Variants in ERG observed in about 807,000 individuals in gnomAD.
ERG encodes the protein transcriptional regulator ERG.
In ERG, 9 loss-of-function variants were observed where a neutral mutation model predicts 55.3. That is an observed-to-expected ratio of 0.16 (90% CI 0.10 to 0.28). The LOEUF (loss-of-function observed/expected upper bound fraction) is 0.28, where lower values mean the gene tolerates loss of function less well. Among genes scored for constraint, ERG ranks in the 10% least tolerant of loss-of-function variants. The pLI is 1.00. For missense variants in ERG, 434 were observed against 631.6 expected (o/e 0.69, Z 3.35); for synonymous variants, 223 against 237.3 (o/e 0.94, Z 0.55).
At chr21:38,495,808 T>C (rs933856315) in intron 1 of ERG, among the ~76,000 whole-genome samples, 13 of 152,220 alleles carry the variant, frequency 8.5e-5, no homozygotes, top group Non-Finnish European at 7.4e-5. Context: ...GAGTTTTCAG[T>C]GCAACAGCAG....
intron 1 of ERG, among the ~76,000 whole-genome samples, chr21:38,628,856 A>G (rs996708381): frequency 6.6e-6 from 1 of 152,238 alleles, no homozygotes; most frequent in African/African-American, 2.4e-5. Context: ...TGAGATCTGC[A>G]TTAAAACTTT....
At chr21:38,405,481 C>G (rs1395820516) in intron 3 of ERG, among the ~76,000 whole-genome samples, 1 of 152,090 alleles carries the variant, frequency 6.6e-6, no homozygotes, top group Non-Finnish European at 1.5e-5. Flanking sequence ...ACTAGTGATG[C>G]CTGGTCTCCC....
intron 1 of ERG, among the ~76,000 whole-genome samples, chr21:38,649,605 T>C (rs900843880): frequency 2.0e-5 from 3 of 152,242 alleles, no homozygotes; most frequent in African/African-American, 7.2e-5. Context: ...ACTGCTCAAA[T>C]ATAATTTAGA....
chr21:38,586,989 C>A (rs1315866719), upstream of ERG, among the ~76,000 whole-genome samples: 1 of 152,188 alleles, frequency 6.6e-6, no homozygotes, highest in African/African-American at 2.4e-5. Flanking sequence ...TTTGTGACAA[C>A]ATGAACAAAC....
intron 1 of ERG, among the ~76,000 whole-genome samples, chr21:38,455,306 T>TTA: frequency 6.6e-6 from 1 of 152,162 alleles, no homozygotes; most frequent in African/African-American, 2.4e-5. Flanking sequence ...GCTAAGAGGT[T>TTA]CACACCATCA....
At chr21:38,559,986 T>C (rs1568912935) in intron 2 of ERG, among the ~76,000 whole-genome samples, 1 of 152,194 alleles carries the variant, frequency 6.6e-6, no homozygotes, top group Non-Finnish European at 1.5e-5. Flanking sequence ...CCCGGCCTCA[T>C]CTTTTCTTTA....
rs544037525 is a variant in ERG, at chr21:38,480,591, C to CTTTTTTTTTTTTTTTTTT, written c.18+17754_18+17771dup. 4.9e-4 allele frequency among the ~76,000 whole-genome samples: 25 copies of CTTTTTTTTTTTTTTTTTT among 51,122 alleles called. 5 individuals are homozygous for CTTTTTTTTTTTTTTTTTT. Among genetic ancestry groups the CTTTTTTTTTTTTTTTTTT allele is most frequent in the African/African-American group, 7.8e-4 (10 of 12,860 alleles). The allele number at this position is 51,122 out of a possible 152,430, so 33.5% of individuals were successfully genotyped here. A position where few individuals can be genotyped will look rare whatever the true frequency, so the allele number is the denominator to read the frequency against. The stretch of plus-strand genomic sequence containing the variant: ...TTGCCACTTTAGGGCACTATATGGC[C>CTTTTTTTTTTTTTTTTTT]TTTTTTTTTTTTTTTTTTTTTTTGC... On this transcript the variant is annotated intron_variant, in intron 1 of 9. Transcript: ENST00000288319.
In ERG at chr21:38,392,848, T is replaced by C. The variant is rs1349780021; in HGVS notation, c.746-404A>G. Among the ~76,000 whole-genome samples the C allele has an allele frequency of 2.6e-5, 4 of 152,226 alleles. No homozygotes were observed. In the East Asian group the frequency reaches 7.7e-4, roughly 29 times the overall value. On this transcript the variant is annotated intron_variant, in intron 6 of 9. Transcript: ENST00000288319. Reference sequence around the variant, plus strand: ...ACAACTTGGATGAACCAGCCCATTTTTGTTTGAGGTCTGTTCCTAAATCAA... The same window carrying C: ...ACAACTTGGATGAACCAGCCCATTTCTGTTTGAGGTCTGTTCCTAAATCAA...
intron 1 of ERG, among the ~76,000 whole-genome samples, chr21:38,651,261 A>G (rs1414872361): frequency 6.6e-6 from 1 of 152,220 alleles, no homozygotes; most frequent in Non-Finnish European, 1.5e-5. Flanking sequence ...TATTGCTATC[A>G]TATCTGGTTC....
At chr21:38,374,343 G>A in the ERG span, among the ~76,000 whole-genome samples, 18,623 of 152,220 alleles carry the variant, frequency 0.12, 1,509 homozygotes, top group Admixed American at 0.2. Context: ...CAGCTAGTGA[G>A]ACTTACATTT....
intron 2 of ERG, among the ~76,000 whole-genome samples, chr21:38,573,594 T>G (rs2059975491): frequency 6.6e-6 from 1 of 152,222 alleles, no homozygotes; most frequent in African/African-American, 2.4e-5. Context: ...TTGAACTTAA[T>G]TATGACATAG....
chr21:38,627,016 T>G (rs535306942), intron 1 of ERG, among the ~76,000 whole-genome samples: 36 of 152,264 alleles, frequency 2.4e-4, no homozygotes, highest in African/African-American at 8.4e-4. Context: ...GTAGGTCACT[T>G]GAACAAATGT....
At chr21:38,644,808 T>G (rs2060446325) in intron 1 of ERG, among the ~76,000 whole-genome samples, 1 of 152,214 alleles carries the variant, frequency 6.6e-6, no homozygotes, top group Admixed American at 6.5e-5. Context: ...TCACTTTTTC[T>G]GAATACAGAT....
At chr21:38,525,936 G>A (rs1017763422) in intron 2 of ERG, among the ~76,000 whole-genome samples, 1 of 152,154 alleles carries the variant, frequency 6.6e-6, no homozygotes. Flanking sequence ...ATTAACAGTG[G>A]TCCATTAAGA....
intron 1 of ERG, among the ~76,000 whole-genome samples, chr21:38,453,690 C>T (rs1461981911): frequency 1.3e-5 from 2 of 152,054 alleles, no homozygotes; most frequent in Admixed American, 6.6e-5. Flanking sequence ...GGAGAGCAGG[C>T]TGGCCAACAT....
intron 1 of ERG, among the ~76,000 whole-genome samples, chr21:38,614,583 C>G (rs966886301): frequency 1.3e-5 from 2 of 152,100 alleles, no homozygotes; most frequent in Admixed American, 6.5e-5. Context: ...AGCAGCCACC[C>G]TGGGACCATG....
intron 2 of ERG, among the ~76,000 whole-genome samples, chr21:38,503,783 C>G (rs1033836023): frequency 6.6e-5 from 10 of 152,156 alleles, no homozygotes; most frequent in African/African-American, 2.4e-4. Context: ...AGATAAGAAT[C>G]AAGCATCTGG....
chr21:38,520,006 C>T (rs971184150), intron 2 of ERG, among the ~76,000 whole-genome samples: 22 of 150,550 alleles, frequency 1.5e-4, no homozygotes, highest in African/African-American at 5.4e-4. Flanking sequence ...CACACACATA[C>T]AGACACACAC....
At chr21:38,486,823 A>G (rs1294493807) in intron 1 of ERG, among the ~76,000 whole-genome samples, 1 of 152,204 alleles carries the variant, frequency 6.6e-6, no homozygotes, top group African/African-American at 2.4e-5. Context: ...AGCTGAAACT[A>G]CAGGCAGCTG....
Sources: gnomAD v4.1 joint callset for allele counts (sites outside exome capture counted in the v4.1 genomes callset) on GRCh38, gnomAD v4.1.1 for gene constraint, MANE v1.5 for transcripts, NCBI Gene and HGNC (gene_info 2026-07-23, HGNC 2026-07-21) for gene names.